Variants in UTS2B observed in about 807,000 individuals in gnomAD.
UTS2B encodes urotensin-2B.
A neutral mutation model predicts 19.2 loss-of-function variants in UTS2B; 21 were observed. That is an observed-to-expected ratio of 1.09 (90% CI 0.78 to 1.58). UTS2B has a LOEUF of 1.58. Ranked by LOEUF, UTS2B falls within the 40% of genes most tolerant of loss-of-function variation. The probability of loss-of-function intolerance (pLI) is 0.00; values close to 1 mark genes in which losing one functional copy is unlikely to be tolerated. For synonymous variants in UTS2B, 57 were observed against 50.2 expected, an observed-to-expected ratio of 1.14 and a Z score of -0.58; for missense variants, 138 against 130.3, an observed-to-expected ratio of 1.06 and a Z score of -0.29.
chr3:191,341,343 G>A, the UTS2B span, among the ~76,000 whole-genome samples: 1 of 152,170 alleles, frequency 6.6e-6, no homozygotes, highest in Non-Finnish European at 1.5e-5. Flanking sequence ...ATCTAATTTA[G>A]TCCTCACAAC....
At chr3:191,335,106 G>A (rs373548166), upstream of UTS2B, among the ~76,000 whole-genome samples, 73 of 152,298 alleles carry the variant, frequency 4.8e-4, no homozygotes, top group African/African-American at 1.4e-3. Context: ...GCCCTTGTTA[G>A]GGACTTAACA....
chr3:191,273,031 G>T (rs1365645686), intron 8 of UTS2B, among the ~76,000 whole-genome samples: 1 of 152,032 alleles, frequency 6.6e-6, no homozygotes, highest in African/African-American at 2.4e-5. Context: ...AGCTGGGCTT[G>T]GTGGCGCCCA....
At chr3:191,279,784 A>G (rs1716334064) in intron 5 of UTS2B, among the ~76,000 whole-genome samples, 1 of 152,136 alleles carries the variant, frequency 6.6e-6, no homozygotes, top group African/African-American at 2.4e-5. Context: ...GTCTCTGAAG[A>G]AAAACTTTTC....
At chr3:191,297,052 A>G (rs1560139854) in intron 4 of UTS2B, among the ~76,000 whole-genome samples, 1 of 152,190 alleles carries the variant, frequency 6.6e-6, no homozygotes, top group Admixed American at 6.5e-5. Flanking sequence ...GAAAGAAAAA[A>G]AAACCTTTTC....
chr3:191,316,701 T>C lies in UTS2B; in HGVS notation c.-585-262A>G, dbSNP rs558573572. ...GCATTTACAATCCTCTAGCTAGCCATAAAAGTTCTCCAAGTCCCCACTTGA... is the reference window on the plus strand; with the variant it reads ...GCATTTACAATCCTCTAGCTAGCCACAAAAGTTCTCCAAGTCCCCACTTGA... On this transcript the variant is annotated intron_variant, in intron 2 of 8. Transcript: ENST00000340524. 2.0e-5 allele frequency among the ~76,000 whole-genome samples: 3 copies of C among 152,302 alleles called. No homozygotes were observed. In the South Asian group the frequency reaches 6.2e-4, roughly 32 times the overall value.
At chr3:191,319,163 C>G (rs1474070146) in intron 2 of UTS2B, among the ~76,000 whole-genome samples, 2 of 152,098 alleles carry the variant, frequency 1.3e-5, no homozygotes, top group African/African-American at 2.4e-5. Flanking sequence ...GTACCTGTGC[C>G]AATATGTATA....
chr3:191,268,515 T>C (rs1716004022), intron 8 of UTS2B, 74 bp from the exon 9 acceptor site: 2 of 1,080,826 alleles, frequency 1.9e-6, no homozygotes, highest in Middle Eastern at 2.1e-4. Flanking sequence ...CAATAGCTTA[T>C]GTGTGCCTGA....
At chr3:191,305,593 T>A (rs1717114618) in intron 3 of UTS2B, among the ~76,000 whole-genome samples, 1 of 152,224 alleles carries the variant, frequency 6.6e-6, no homozygotes, top group Non-Finnish European at 1.5e-5. Context: ...TGCAAAAATT[T>A]TTCTCCCATT....
intron 3 of UTS2B, among the ~76,000 whole-genome samples, chr3:191,313,850 C>T (rs1035805799): frequency 6.6e-6 from 1 of 151,710 alleles, no homozygotes; most frequent in Admixed American, 6.6e-5. Context: ...CCTTCCTCCA[C>T]CTCCTGAGTA....
chr3:191,332,413 C>G (rs1718021780), upstream of UTS2B, among the ~76,000 whole-genome samples: 1 of 152,166 alleles, frequency 6.6e-6, no homozygotes, highest in African/African-American at 2.4e-5. Flanking sequence ...AACTAAGTGT[C>G]AACACATCAT....
At chr3:191,313,866 G>GCTCA (rs939425755) in intron 3 of UTS2B, among the ~76,000 whole-genome samples, 3 of 151,664 alleles carry the variant, frequency 2.0e-5, no homozygotes, top group African/African-American at 7.3e-5. Flanking sequence ...GAGTAGCTGA[G>GCTCA]CTCACTGGCG....
chr3:191,324,277 A>G (rs1470590928), intron 2 of UTS2B, among the ~76,000 whole-genome samples: 4 of 152,238 alleles, frequency 2.6e-5, no homozygotes, highest in East Asian at 3.8e-4. Context: ...GGAGGCATTC[A>G]TAAGTGTAAC....
At position 191,278,281 on chromosome 3, in the gene UTS2B, A is replaced by G. The variant is rs189215973; in HGVS notation, c.104-111T>C. On this transcript the variant is annotated intron_variant, in intron 5 of 8. Transcript: ENST00000340524. ...GTATATTTGACAACGAAAGAAATGTAGAGAGAGTGTATAGTCTGAAGGGAT... is the reference window on the plus strand; with the variant it reads ...GTATATTTGACAACGAAAGAAATGTGGAGAGAGTGTATAGTCTGAAGGGAT... The G allele has an allele frequency of 5.2e-6, 3 of 580,904 alleles. No homozygotes were observed. In the African/African-American group the frequency reaches 5.8e-5, roughly 11 times the overall value. The allele number at this position is 580,904 out of a possible 1,614,324, so 36.0% of individuals were successfully genotyped here.
At chr3:191,312,982 T>TA (rs1717344040) in intron 3 of UTS2B, among the ~76,000 whole-genome samples, 1 of 151,840 alleles carries the variant, frequency 6.6e-6, no homozygotes, top group African/African-American at 2.4e-5. Flanking sequence ...GGTCATAGGA[T>TA]AAGTGTACAT....
intron 1 of UTS2B, chr3:191,329,771 C>T: frequency 6.3e-7 from 1 of 1,583,002 alleles, no homozygotes; most frequent in Middle Eastern, 1.7e-4. Flanking sequence ...CTCTCCCAGC[C>T]CGAGGTTCTC....
intron 3 of UTS2B, among the ~76,000 whole-genome samples, chr3:191,310,660 C>A (rs1470353635): frequency 2.0e-5 from 3 of 151,938 alleles, no homozygotes; most frequent in East Asian, 3.9e-4. Context: ...GGCAAGCTAA[C>A]TTATTTGCTT....
chr3:191,297,869 T>G (rs1324017117), intron 4 of UTS2B, among the ~76,000 whole-genome samples: 2 of 152,248 alleles, frequency 1.3e-5, no homozygotes, highest in Non-Finnish European at 2.9e-5. Context: ...TGCACTTAAA[T>G]AAGTATTTAC....
chr3:191,301,022 T>C (rs1172598614), intron 4 of UTS2B, among the ~76,000 whole-genome samples: 1 of 152,252 alleles, frequency 6.6e-6, no homozygotes, highest in Admixed American at 6.5e-5. Flanking sequence ...TCCATAAATC[T>C]ATTTTTGTGT....
At chr3:191,339,918 C>G in the UTS2B span, among the ~76,000 whole-genome samples, 2 of 152,190 alleles carry the variant, frequency 1.3e-5, no homozygotes, top group South Asian at 4.2e-4. Flanking sequence ...TTGTTGTTAT[C>G]TTGGATGCTA....
Sources: gnomAD v4.1 joint callset for allele counts (sites outside exome capture counted in the v4.1 genomes callset) on GRCh38, gnomAD v4.1.1 for gene constraint, MANE v1.5 for transcripts, NCBI Gene and HGNC (gene_info 2026-07-23, HGNC 2026-07-21) for gene names.